The following BEST3 variants were observed in gnomAD, a reference collection of about 807,000 sequenced individuals.
BEST3 encodes the protein bestrophin 3, also known as bestrophin-3.
Under a neutral mutation model 47.1 loss-of-function variants are expected in BEST3, and 50 were observed. The observed-to-expected ratio is 1.06, with a 90% confidence interval of 0.85 to 1.34. BEST3 has a LOEUF of 1.34. Ranked by LOEUF, BEST3 falls within the 40% of genes most tolerant of loss-of-function variation. BEST3 has a pLI of 0.00. For synonymous variants in BEST3, 282 were observed against 298.8 expected (o/e 0.94, Z 0.58); for missense variants, 765 against 817.0 (o/e 0.94, Z 0.78).
downstream of BEST3, among the ~76,000 whole-genome samples, chr12:69,648,615 G>C: frequency 6.6e-6 from 1 of 152,022 alleles, no homozygotes; most frequent in South Asian, 2.1e-4. Flanking sequence ...GAGGATGGGA[G>C]GGACAGAACT....
intron 4 of BEST3, among the ~76,000 whole-genome samples, chr12:69,680,542 C>T (rs1328766387): frequency 2.6e-5 from 4 of 151,878 alleles, no homozygotes; most frequent in African/African-American, 9.7e-5. Flanking sequence ...CTCCTGACCT[C>T]GTGATCCGCC....
At chr12:69,684,505 T>G in intron 4 of BEST3, 1 of 607,880 alleles carries the variant, frequency 1.6e-6, no homozygotes, top group Non-Finnish European at 3.2e-6. Context: ...GCAGATGTCT[T>G]TTGCCTTTCA....
chr12:69,672,119 T>C (rs1884613841), intron 8 of BEST3, among the ~76,000 whole-genome samples: 1 of 152,242 alleles, frequency 6.6e-6, no homozygotes, highest in Admixed American at 6.5e-5. Context: ...GACAAAGTGA[T>C]GCATGAATAC....
Position 69,684,799 on chromosome 12 carries a change from G to A in BEST3, c.482-5906C>T, listed in dbSNP as rs187327923. On this transcript the variant is annotated intron_variant, in intron 4 of 9. Coordinates refer to ENST00000330891, the MANE Select transcript of BEST3 (RefSeq NM_032735.3). ...AGGTTTAGAAATCCCTGTCAATTGGGAAAATCAAGGGGGGAGCAAAATGAG... is the reference window on the plus strand; with the variant it reads ...AGGTTTAGAAATCCCTGTCAATTGGAAAAATCAAGGGGGGAGCAAAATGAG... 3.9e-3 allele frequency among the ~76,000 whole-genome samples: 591 copies of A among 152,288 alleles called. 1 individual carries two copies. Among genetic ancestry groups the A allele is most frequent in the Middle Eastern group, 6.8e-3 (2 of 294 alleles).
chr12:69,666,051 G>A (rs1884194739), intron 9 of BEST3, among the ~76,000 whole-genome samples: 1 of 152,018 alleles, frequency 6.6e-6, no homozygotes, highest in South Asian at 2.1e-4. Context: ...ACAAGGTCTC[G>A]CTCTGTCACC....
At chr12:69,694,115 T>G in intron 3 of BEST3, 1 of 575,042 alleles carries the variant, frequency 1.7e-6, no homozygotes, top group Non-Finnish European at 3.1e-6. Context: ...AGATCTCAAA[T>G]ATTGACTGCA....
chr12:69,691,665 GC>G lies in BEST3; in HGVS notation c.481+2008del, dbSNP rs1565843400. Among the ~76,000 whole-genome samples the G allele has an allele frequency of 2.0e-5, 3 of 151,824 alleles. No homozygotes were observed. In the East Asian group the frequency reaches 5.8e-4, roughly 29 times the overall value. The stretch of plus-strand genomic sequence containing the variant: ...AAATTAGCCAGGCGTGGTGGTGTGC[GC>G]CTGTAGTCCCAGCTGCTCGGGAGTC... On this transcript the variant is annotated intron_variant, in intron 4 of 9. Transcript: ENST00000330891.
Position 69,655,156 on chromosome 12 carries a change from A to G in BEST3, c.1758T>C (p.Phe586=). The change falls in exon 10 of 10, where the codon TTT becomes TTC. Residue 586 remains phenylalanine, a synonymous_variant. Transcript: ENST00000330891. ...ATCCCGGAAGACTCCACCTTTTTAG[A>G]AAGGTATCACCAGGGTCTTCTTCAC... The part of the protein sequence containing the change: ...FNCEEDPGDT[F]LKRWSLPGFL... 1 of 1,614,140 alleles carries G rather than the reference A, an allele frequency of 6.2e-7. No individual in the cohort carries two copies. Among genetic ancestry groups the G allele is most frequent in the Non-Finnish European group, 8.5e-7 (1 of 1,180,020 alleles).
intron 4 of BEST3, among the ~76,000 whole-genome samples, chr12:69,686,700 A>C (rs1885609896): frequency 6.8e-6 from 1 of 147,360 alleles, no homozygotes; most frequent in African/African-American, 2.5e-5. Flanking sequence ...TGAACTGGGG[A>C]GGCAGAGGTT....
intron 9 of BEST3, among the ~76,000 whole-genome samples, chr12:69,657,907 T>C (rs1883611044): frequency 6.6e-6 from 1 of 152,166 alleles, no homozygotes; most frequent in African/African-American, 2.4e-5. Flanking sequence ...CACCCTCCAC[T>C]GTGTGAGGGT....
chr12:69,693,247 T>C (rs999978051), intron 4 of BEST3, among the ~76,000 whole-genome samples: 13 of 136,492 alleles, frequency 9.5e-5, no homozygotes, highest in Admixed American at 1.5e-4. Context: ...CTCTCTCTCT[T>C]TTTTTTTTCT....
rs754551299 is a variant in BEST3 at position 69,685,029 on chromosome 12, C to CTATTCTATTCTATTCTAT, written c.482-6137_482-6136insATAGAATAGAATAGAATA. Among the ~76,000 whole-genome samples, 108 of 150,538 alleles carry CTATTCTATTCTATTCTAT rather than the reference C, an allele frequency of 7.2e-4. 1 individual carries two copies. In the Middle Eastern group the frequency reaches 0.014, roughly 19 times the overall value. ...CTATTCTATTCTATTCTATTCTATT[C>CTATTCTATTCTATTCTAT]TATTCTATTGTTCTCCATTCCATTC... On this transcript the variant is annotated intron_variant, in intron 4 of 9. Coordinates refer to ENST00000330891, the MANE Select transcript of BEST3 (RefSeq NM_032735.3).
downstream of BEST3, among the ~76,000 whole-genome samples, chr12:69,650,200 G>A (rs1883165969): frequency 6.6e-6 from 1 of 152,210 alleles, no homozygotes; most frequent in Non-Finnish European, 1.5e-5. Flanking sequence ...GAGAGAGTTT[G>A]GAGAGAGGTG....
rs1278978260 is a variant in BEST3, at chr12:69,694,379, AG to A, written c.237del (p.Phe80LeufsTer10). The A allele has an allele frequency of 6.2e-7, 1 of 1,602,182 alleles. No homozygotes were observed. Among genetic ancestry groups the A allele is most frequent in the Admixed American group, 1.7e-5 (1 of 58,158 alleles). ...CDRYAEQIPVTFVLGFYVTLV... is the reference protein window; with the variant it reads ...CDRYAEQIPVXFVLGFYVTLV... ...TGTGACCTATACTTACCAAGCACAA[AG>A]GTTACTGGAATTTGTTCAGCATATC... is the stretch of plus-strand genomic sequence containing the variant. On this transcript the variant is annotated frameshift_variant, in exon 3 of 10. Transcript: ENST00000330891. LOFTEE classifies it high-confidence loss of function.
intron 9 of BEST3, among the ~76,000 whole-genome samples, chr12:69,665,327 G>A (rs1168670148): frequency 3.3e-5 from 5 of 152,332 alleles, no homozygotes; most frequent in African/African-American, 9.6e-5. Context: ...GTGAAATTCA[G>A]TATAGGTGGT....
chr12:69,693,268 T>C (rs1393223512), intron 4 of BEST3, among the ~76,000 whole-genome samples: 11 of 149,256 alleles, frequency 7.4e-5, no homozygotes, highest in Non-Finnish European at 1.5e-4. Flanking sequence ...TTTTTCTTTT[T>C]TTTTTTTTGA....
chr12:69,694,234 G>A (rs915111513), intron 3 of BEST3, 136 bp downstream of exon 3: 2 of 623,258 alleles, frequency 3.2e-6, no homozygotes, highest in Non-Finnish European at 5.6e-6. Context: ...AAACCTTATG[G>A]ATGATTCTGG....
At chr12:69,694,897 T>G (rs1886075542) in intron 2 of BEST3, among the ~76,000 whole-genome samples, 1 of 152,178 alleles carries the variant, frequency 6.6e-6, no homozygotes, top group African/African-American at 2.4e-5. Flanking sequence ...CCTTGATATT[T>G]CTCCTGAATA....
rs1460035885 is a variant in BEST3, at chr12:69,655,009, G to A, written c.1905C>T (p.Gly635=). The change falls in exon 10 of 10, where the codon GGC becomes GGT. Residue 635 remains glycine, a synonymous_variant. Transcript: ENST00000330891. ...SEISGINIVA[G]SRVSSDMLYL... is the part of the protein sequence containing the mutation. ...ACAGCATATCAGAAGAGACTCGAGA[G>A]CCAGCCACAATGTTGATCCCACTGA... 2 of 1,613,966 alleles carry A rather than the reference G, an allele frequency of 1.2e-6. No individual in the cohort carries two copies. Among genetic ancestry groups the A allele is most frequent in the Admixed American group, 1.7e-5 (1 of 59,996 alleles).
Sources: gnomAD v4.1 joint callset for allele counts (sites outside exome capture counted in the v4.1 genomes callset) on GRCh38, gnomAD v4.1.1 for gene constraint, MANE v1.5 for transcripts, NCBI Gene and HGNC (gene_info 2026-07-23, HGNC 2026-07-21) for gene names.